YAF2: variants seen among roughly 807,000 people sequenced by gnomAD.
The protein encoded by YAF2 is YY1 associated factor 2.
A neutral mutation model predicts 20.1 loss-of-function variants in YAF2; 7 were observed. That is an observed-to-expected ratio of 0.35 (90% CI 0.20 to 0.65). The LOEUF is 0.65. YAF2 is among the 30% of genes least tolerant of loss of function. YAF2 has a pLI of 0.69. For synonymous variants in YAF2, 74 were observed against 76.0 expected (o/e 0.97, Z 0.14); for missense variants, 151 against 219.2 (o/e 0.69, Z 1.96).
At chr12:42,208,807 T>C (rs1282986244) in intron 2 of YAF2, among the ~76,000 whole-genome samples, 1 of 152,052 alleles carries the variant, frequency 6.6e-6, no homozygotes, top group Non-Finnish European at 1.5e-5. Context: ...AGTGTAAATA[T>C]AACTATGCAG....
intron 2 of YAF2, among the ~76,000 whole-genome samples, chr12:42,217,103 T>C (rs559059477): frequency 5.1e-4 from 78 of 152,342 alleles, no homozygotes; most frequent in Non-Finnish European, 6.8e-4. Flanking sequence ...AGCAAGAAAG[T>C]AAGCATGACA....
At chr12:42,233,938 A>C in intron 2 of YAF2, 1 of 979,924 alleles carries the variant, frequency 1.0e-6, no homozygotes, top group Non-Finnish European at 1.2e-6. Context: ...TGGGAAGCCG[A>C]CGCAGACGGA....
At position 42,161,643 on chromosome 12, in the gene YAF2, G is replaced by C; in HGVS notation, c.275C>G (p.Thr92Ser). The change falls in exon 3 of 4, where the codon ACT becomes AGT. Residue 92 changes from threonine to serine, a missense_variant. Thr to Ser is a moderately conservative substitution (Grantham distance 58). Transcript: ENST00000534854. ...TTTCTTATGGCTATTCTTTTTGCTA[G>C]TTGTTTCCTTTTCACTTTTTTCTTT... ...VEKEKSEKETTSKKNSHKKTR... is the reference protein window; with the variant it reads ...VEKEKSEKETSSKKNSHKKTR... The C allele has an allele frequency of 6.2e-7, 1 of 1,600,128 alleles. No homozygotes were observed. The highest frequency in any genetic ancestry group is 2.2e-5 in the East Asian group (1 of 44,618).
chr12:42,230,077 T>G (rs1402032536), intron 2 of YAF2, among the ~76,000 whole-genome samples: 2 of 152,072 alleles, frequency 1.3e-5, no homozygotes, highest in Non-Finnish European at 2.9e-5. Context: ...GCCAACATGG[T>G]GAAACCCTGT....
At chr12:42,168,841 A>T (rs1167691918) in intron 2 of YAF2, among the ~76,000 whole-genome samples, 3 of 152,022 alleles carry the variant, frequency 2.0e-5, no homozygotes, top group African/African-American at 7.2e-5. Flanking sequence ...TTTCTAATTA[A>T]ATTTATAATT....
rs553868910 is a variant in YAF2, at chr12:42,193,351, G to A, written c.153-31586C>T. On this transcript the variant is annotated intron_variant, in intron 2 of 3. Coordinates refer to ENST00000534854, the MANE Select transcript of YAF2 (RefSeq NM_005748.6). ...AAAAAAAAATAGCACATGCAATTACGTATAGTCCATAAAACTTGACAATGA... is the reference window on the plus strand; with the variant it reads ...AAAAAAAAATAGCACATGCAATTACATATAGTCCATAAAACTTGACAATGA... Among the ~76,000 whole-genome samples, 7 of 151,358 alleles carry A rather than the reference G, an allele frequency of 4.6e-5. No homozygotes were observed. In the South Asian group the frequency reaches 6.3e-4, roughly 14 times the overall value.
chr12:42,187,698 A>G (rs1211421429), intron 2 of YAF2, among the ~76,000 whole-genome samples: 1 of 152,156 alleles, frequency 6.6e-6, no homozygotes, highest in African/African-American at 2.4e-5. Flanking sequence ...ACCTTAATAT[A>G]TTGTCTTACA....
intron 2 of YAF2, among the ~76,000 whole-genome samples, chr12:42,191,707 T>C (rs916895167): frequency 6.6e-6 from 1 of 152,174 alleles, no homozygotes; most frequent in African/African-American, 2.4e-5. Flanking sequence ...TAGCTACATA[T>C]ATATAATTAC....
intron 2 of YAF2, chr12:42,234,380 GA>G (rs1029061424): frequency 1.8e-5 from 18 of 985,264 alleles, no homozygotes; most frequent in Middle Eastern, 5.2e-4. Context: ...ATTTTGGAGT[GA>G]GGGGCTGAAA....
intron 2 of YAF2, among the ~76,000 whole-genome samples, chr12:42,164,707 T>C (rs2065871647): frequency 6.6e-6 from 1 of 151,468 alleles, no homozygotes; most frequent in Non-Finnish European, 1.5e-5. Context: ...TCCATACATA[T>C]TGTGAATCTG....
intron 1 of YAF2, 80 bp downstream of exon 1, chr12:42,238,075 T>G (rs1242647737): frequency 8.2e-7 from 1 of 1,218,912 alleles, no homozygotes; most frequent in Non-Finnish European, 1.1e-6. Flanking sequence ...CCCGGGCGGC[T>G]AGCGAGGCGG....
chr12:42,197,854 A>T lies in YAF2; in HGVS notation c.153-36089T>A, dbSNP rs75803618. Among the ~76,000 whole-genome samples, 1,310 of 152,332 alleles carry T rather than the reference A, an allele frequency of 8.6e-3. 19 individuals carry two copies. Among genetic ancestry groups the T allele is most frequent in the African/African-American group, 0.03 (1,259 of 41,568 alleles). ...AACTAGTATTAGAAGTTATAAACTC[A>T]ATTACTGAAAATAATCTTCTAAACT... On this transcript the variant is annotated intron_variant, in intron 2 of 3. Coordinates refer to ENST00000534854, the MANE Select transcript of YAF2 (RefSeq NM_005748.6).
intron 2 of YAF2, among the ~76,000 whole-genome samples, chr12:42,230,205 C>G (rs555752756): frequency 6.6e-6 from 1 of 152,082 alleles, no homozygotes; most frequent in African/African-American, 2.4e-5. Context: ...TGCAGTGAGC[C>G]AAGATCGCGC....
At chr12:42,235,611 T>TA (rs1168723660) in intron 2 of YAF2, 2 of 1,476,126 alleles carry the variant, frequency 1.4e-6, no homozygotes, top group Non-Finnish European at 1.8e-6. Flanking sequence ...GTAGAACACT[T>TA]ACTTTCAGGA....
At chr12:42,171,347 G>A (rs1431983886) in intron 2 of YAF2, among the ~76,000 whole-genome samples, 1 of 151,956 alleles carries the variant, frequency 6.6e-6, no homozygotes, top group Non-Finnish European at 1.5e-5. Context: ...TACTATCCAG[G>A]CATAGTGGTG....
rs781184857 is a variant in YAF2 at position 42,160,768 on chromosome 12, C to T, written c.364G>A (p.Asp122Asn). 1.2e-6 allele frequency: 2 copies of T among 1,613,670 alleles called. No homozygotes were observed. Among genetic ancestry groups the T allele is most frequent in the Non-Finnish European group, 1.7e-6 (2 of 1,179,838 alleles). ...SAQHLEVTVG[D>N]LTVIITDFKE... ...AAGTCTGTAATAATGACTGTCAGAT[C>T]TCCAACAGTAACTTCCAAATGCTGA... Residue 122 changes from aspartate to asparagine, a missense_variant, in exon 4 of 4, where the codon GAT becomes AAT. By Grantham distance (23) the Asp-to-Asn change is conservative. This residue lies in a region of YAF2 where 50 missense variants were observed against 112.0 expected (regional missense o/e 0.45). Transcript: ENST00000534854.
At chr12:42,216,228 A>G (rs1215553753) in intron 2 of YAF2, among the ~76,000 whole-genome samples, 1 of 152,186 alleles carries the variant, frequency 6.6e-6, no homozygotes, top group Non-Finnish European at 1.5e-5. Context: ...AATATAAACC[A>G]GAATTATTGT....
chr12:42,211,823 C>A (rs904329782), intron 2 of YAF2, among the ~76,000 whole-genome samples: 3 of 150,496 alleles, frequency 2.0e-5, no homozygotes, highest in African/African-American at 7.3e-5. Flanking sequence ...CCGAGGTGGG[C>A]GGATTAGCTG....
chr12:42,211,461 G>C (rs987480047), intron 2 of YAF2, among the ~76,000 whole-genome samples: 1 of 148,208 alleles, frequency 6.7e-6, no homozygotes, highest in Non-Finnish European at 1.5e-5. Flanking sequence ...AGTCATCCAG[G>C]CACAGTGGCT....
Sources: allele counts gnomAD v4.1 joint callset (sites outside exome capture counted in the v4.1 genomes callset), GRCh38; gene constraint gnomAD v4.1.1; regional missense constraint gnomAD v4.1.1; transcripts MANE v1.5; gene names NCBI Gene and HGNC (gene_info 2026-07-23, HGNC 2026-07-21).